PRNP: variants seen among roughly 807,000 people sequenced by gnomAD.
PRNP encodes major prion protein.
PRNP carries 15 observed loss-of-function variants against 21.3 expected under a neutral mutation model. The observed-to-expected ratio is 0.71, with a 90% CI of 0.47 to 1.09. The LOEUF is 1.09. PRNP is among the 50% of genes least tolerant of loss of function. The pLI is 0.00. For synonymous variants in PRNP, 121 were observed against 123.1 expected (o/e 0.98, Z 0.11); for missense variants, 285 against 340.9 (o/e 0.84, Z 1.29).
At position 4,700,947 on chromosome 20, in the gene PRNP, G is replaced by A. The variant is rs1922568997; in HGVS notation, c.*965G>A. 6.0e-6 allele frequency: 1 copy of A among 166,870 alleles called. No homozygotes were observed. The highest frequency in any genetic ancestry group is 2.4e-5 in the African/African-American group (1 of 41,438). The allele number at this position is 166,870 out of a possible 1,614,324, so 10.3% of individuals were successfully genotyped here. On this transcript the variant is annotated 3_prime_UTR_variant, in exon 2 of 2. Transcript: ENST00000379440. This position sits in a 1 kb window ranked among gnomAD's most constrained non-coding sequence, Gnocchi z 4.1. ...ATAGAGGATGATGTAATTAAAAAAT[G>A]GTCAGTGTGCAAAGAAAAGAACTGC...
intron 1 of PRNP, among the ~76,000 whole-genome samples, chr20:4,698,527 G>A (rs368898259): frequency 6.6e-6 from 1 of 152,094 alleles, no homozygotes; most frequent in Non-Finnish European, 1.5e-5. Flanking sequence ...ACTGTACATG[G>A]TATATGGTGA....
chr20:4,699,522 A>T lies in PRNP; in HGVS notation c.302A>T (p.Lys101Met). The T allele has an allele frequency of 6.2e-7, 1 of 1,613,912 alleles. No individual in the cohort carries two copies. The highest frequency in any genetic ancestry group is 8.5e-7 in the Non-Finnish European group (1 of 1,179,896). The change falls in exon 2 of 2, where the codon AAG (lysine) becomes ATG (methionine). Residue 101 changes from lysine to methionine, a missense_variant. Lys to Met is a moderately conservative substitution (Grantham distance 95). Transcript: ENST00000379440. This position sits in a 1 kb window ranked among gnomAD's most constrained non-coding sequence, Gnocchi z 5.8. ...GGTGGCACCCACAGTCAGTGGAACAAGCCGAGTAAGCCAAAAACCAACATG... is the reference window on the plus strand; with the variant it reads ...GGTGGCACCCACAGTCAGTGGAACATGCCGAGTAAGCCAAAAACCAACATG... ...QGGGTHSQWN[K>M]PSKPKTNMKH...
rs112911382 is a variant in PRNP, at chr20:4,698,921, C to G, written c.-10-290C>G. ...GTTTGATCTGTTTGTTGTTTTGGTA[C>G]AAAAATTAGAAGAAAATAATTCACT... is the stretch of plus-strand genomic sequence containing the variant. On this transcript the variant is annotated intron_variant, in intron 1 of 1. Coordinates refer to ENST00000379440, the MANE Select transcript of PRNP (RefSeq NM_000311.5). Among the ~76,000 whole-genome samples, 192 of 152,166 alleles carry G rather than the reference C, an allele frequency of 1.3e-3. 1 individual carries two copies. The Middle Eastern group carries it at 0.014, about 11-fold the overall frequency.
Position 4,697,472 on chromosome 20 carries a change from T to C in PRNP, c.-10-1739T>C, listed in dbSNP as rs146102572. Reference sequence around the variant, plus strand: ...GGAAAGGGGGTGGGCTAGGGGGTGCTGTTTTAGGTAGAGTGATGGGAACAG... The same window carrying C: ...GGAAAGGGGGTGGGCTAGGGGGTGCCGTTTTAGGTAGAGTGATGGGAACAG... On this transcript the variant is annotated intron_variant, in intron 1 of 1. Transcript: ENST00000379440. This position sits in a 1 kb window ranked among gnomAD's most constrained non-coding sequence, Gnocchi z 4.6. Among the ~76,000 whole-genome samples the C allele has an allele frequency of 1.3e-5, 2 of 152,154 alleles. No homozygotes were observed. Among genetic ancestry groups the C allele is most frequent in the Admixed American group, 1.3e-4 (2 of 15,288 alleles).
At position 4,692,019 on chromosome 20, in the gene PRNP, T is replaced by C. The variant is rs529719693; in HGVS notation, c.-11+5507T>C. 2.6e-5 allele frequency among the ~76,000 whole-genome samples: 4 copies of C among 152,360 alleles called. No individual in the cohort carries two copies. The East Asian group carries it at 7.7e-4, about 29-fold the overall frequency. ...GTCTGATGCCTCCTTATTTATTTTC[T>C]TTCTAAATCTCCCGTCCAAAAATCT... On this transcript the variant is annotated intron_variant, in intron 1 of 1. Transcript: ENST00000379440.
Position 4,700,981 on chromosome 20 carries a change from C to G in PRNP, c.*999C>G, listed in dbSNP as rs1464264065. 3 of 166,834 alleles carry G rather than the reference C, an allele frequency of 1.8e-5. No individual in the cohort carries two copies. The highest frequency in any genetic ancestry group is 4.4e-5 in the Non-Finnish European group (3 of 68,088). The allele number at this position is 166,834 out of a possible 1,614,324, so 10.3% of individuals were successfully genotyped here. On this transcript the variant is annotated 3_prime_UTR_variant, in exon 2 of 2. Transcript: ENST00000379440. This position sits in a 1 kb window ranked among gnomAD's most constrained non-coding sequence, Gnocchi z 4.1. ...GCAAAGAAAAGAACTGCTTGCATTT[C>G]TTTATTTCTGTCTCATAATTGTCAA...
chr20:4,691,674 T>C (rs1601012293), intron 1 of PRNP, among the ~76,000 whole-genome samples: 1 of 152,228 alleles, frequency 6.6e-6, no homozygotes, highest in African/African-American at 2.4e-5. Flanking sequence ...TAGAATTTTG[T>C]TAAGAATTTT....
intron 1 of PRNP, among the ~76,000 whole-genome samples, chr20:4,695,998 C>T (rs1335674433): frequency 1.3e-5 from 2 of 152,152 alleles, no homozygotes; most frequent in East Asian, 3.9e-4. Flanking sequence ...TTTCTGTTTC[C>T]TTTGGTCTCT....
intron 1 of PRNP, among the ~76,000 whole-genome samples, chr20:4,690,278 C>A (rs1188951611): frequency 1.3e-5 from 2 of 152,092 alleles, no homozygotes; most frequent in Non-Finnish European, 2.9e-5. Context: ...TGACATTTGC[C>A]CCTTCCCGAT....
chr20:4,690,477 CCT>C (rs1345512060), intron 1 of PRNP, among the ~76,000 whole-genome samples: 1 of 151,994 alleles, frequency 6.6e-6, no homozygotes, highest in Non-Finnish European at 1.5e-5. Context: ...TTTTTAGTAC[CCT>C]CTCTCTAGTT....
Position 4,701,555 on chromosome 20 carries a change from C to T in PRNP, c.*1573C>T, listed in dbSNP as rs1922614372. ...TAAAAAAATTGTAAATGTTTAATAT[C>T]TGACTGAAATTAAACGAGCGAAGAT... is the stretch of plus-strand genomic sequence containing the variant. On this transcript the variant is annotated 3_prime_UTR_variant, in exon 2 of 2. Coordinates refer to ENST00000379440, the MANE Select transcript of PRNP (RefSeq NM_000311.5). The surrounding 1 kb of genome is among the most constrained non-coding windows in gnomAD (Gnocchi z 4.2). 6.0e-6 allele frequency: 1 copy of T among 167,032 alleles called. No homozygotes were observed. Among genetic ancestry groups the T allele is most frequent in the African/African-American group, 2.4e-5 (1 of 41,432 alleles). The allele number at this position is 167,032 out of a possible 1,614,324, so 10.3% of individuals were successfully genotyped here. A position where few individuals can be genotyped will look rare whatever the true frequency, so the allele number is the denominator to read the frequency against.
chr20:4,690,258 G>A (rs1921738319), intron 1 of PRNP, among the ~76,000 whole-genome samples: 3 of 152,122 alleles, frequency 2.0e-5, no homozygotes, highest in South Asian at 4.1e-4. Context: ...GGTGAAGGTC[G>A]GGGGTTGTTT....
intron 1 of PRNP, among the ~76,000 whole-genome samples, chr20:4,692,102 G>T (rs1921866320): frequency 6.6e-6 from 1 of 152,194 alleles, no homozygotes; most frequent in Non-Finnish European, 1.5e-5. Context: ...GACTGAAATT[G>T]TGTTTACTTT....
chr20:4,700,654 C>G lies in PRNP; in HGVS notation c.*672C>G, dbSNP rs183570240. 1.7e-3 allele frequency: 315 copies of G among 183,954 alleles called. 1 individual carries two copies. Among genetic ancestry groups the G allele is most frequent in the Admixed American group, 3.3e-3 (60 of 18,222 alleles). The allele number at this position is 183,954 out of a possible 1,614,324, so 11.4% of individuals were successfully genotyped here. A position where few individuals can be genotyped will look rare whatever the true frequency, so the allele number is the denominator to read the frequency against. ...TGAACCTCTGGCTAGAGGACATATT[C>G]ACAGTGAACATAACTGTAACATATA... On this transcript the variant is annotated 3_prime_UTR_variant, in exon 2 of 2. Coordinates refer to ENST00000379440, the MANE Select transcript of PRNP (RefSeq NM_000311.5). This position sits in a 1 kb window ranked among gnomAD's most constrained non-coding sequence, Gnocchi z 4.1.
At chr20:4,696,649 A>G (rs752514267) in intron 1 of PRNP, among the ~76,000 whole-genome samples, 1 of 152,234 alleles carries the variant, frequency 6.6e-6, no homozygotes, top group African/African-American at 2.4e-5. Flanking sequence ...TCCCATGACA[A>G]TGGATGTCCC....
In PRNP at chr20:4,688,008, G is replaced by A. The variant is rs150331344; in HGVS notation, c.-11+1496G>A. Among the ~76,000 whole-genome samples, 3 of 152,256 alleles carry A rather than the reference G, an allele frequency of 2.0e-5. No individual in the cohort carries two copies. In the East Asian group the frequency reaches 5.8e-4, roughly 29 times the overall value. Reference sequence around the variant, plus strand: ...ACACAAACACAGAGAAGGTCTTACAGTGAAAAAAAGCTAACCAGTAAGGGG... The same window carrying A: ...ACACAAACACAGAGAAGGTCTTACAATGAAAAAAAGCTAACCAGTAAGGGG... On this transcript the variant is annotated intron_variant, in intron 1 of 1. Transcript: ENST00000379440.
At position 4,699,198 on chromosome 20, in the gene PRNP, C is replaced by A; in HGVS notation, c.-10-13C>A. 1 of 1,613,780 alleles carries A rather than the reference C, an allele frequency of 6.2e-7. No homozygotes were observed. The highest frequency in any genetic ancestry group is 8.5e-7 in the Non-Finnish European group (1 of 1,179,934). On this transcript the variant is annotated splice_polypyrimidine_tract_variant and intron_variant, in intron 1 of 1. Coordinates refer to ENST00000379440, the MANE Select transcript of PRNP (RefSeq NM_000311.5). The surrounding 1 kb of genome is among the most constrained non-coding windows in gnomAD (Gnocchi z 5.8). ...AAATATGGGACTCTGACGTTCTCCTCTTCATTTTGCAGAGCAGTCATTATG... is the reference window on the plus strand; with the variant it reads ...AAATATGGGACTCTGACGTTCTCCTATTCATTTTGCAGAGCAGTCATTATG...
rs1439758904 is a variant in PRNP at position 4,699,508 on chromosome 20, C to T, written c.288C>T (p.His96=). 2 of 1,613,748 alleles carry T rather than the reference C, an allele frequency of 1.2e-6. No homozygotes were observed. Among genetic ancestry groups the T allele is most frequent in the East Asian group, 2.2e-5 (1 of 44,884 alleles). The part of the protein sequence containing the change: ...GGGWGQGGGT[H]SQWNKPSKPK... ...GCTGGGGTCAAGGAGGTGGCACCCA[C>T]AGTCAGTGGAACAAGCCGAGTAAGC... Residue 96 remains histidine (H), a synonymous_variant, in exon 2 of 2, where the codon CAC becomes CAT. Transcript: ENST00000379440. The surrounding 1 kb of genome is among the most constrained non-coding windows in gnomAD (Gnocchi z 5.8).
At chr20:4,690,849 G>T (rs891181101) in intron 1 of PRNP, among the ~76,000 whole-genome samples, 9 of 152,140 alleles carry the variant, frequency 5.9e-5, no homozygotes, top group Non-Finnish European at 1.2e-4. Flanking sequence ...GAAATAAAAA[G>T]CATCCAAATT....
Sources: allele counts gnomAD v4.1 joint callset (sites outside exome capture counted in the v4.1 genomes callset), GRCh38; gene constraint gnomAD v4.1.1; non-coding constraint Gnocchi (gnomAD v3.1); transcripts MANE v1.5; gene names NCBI Gene and HGNC (gene_info 2026-07-23, HGNC 2026-07-21).